FAT2: variants seen among roughly 807,000 people sequenced by gnomAD.
FAT2 encodes the protein protocadherin Fat 2.
In FAT2, 150 loss-of-function variants were observed where a neutral mutation model predicts 295.3. That is an observed-to-expected ratio of 0.51 (90% CI 0.44 to 0.58). The LOEUF is 0.58. FAT2 is among the 20% of genes least tolerant of loss of function. FAT2 has a pLI of 0.00. For missense variants in FAT2, 4,868 were observed against 5,442.7 expected, an observed-to-expected ratio of 0.89 and a Z score of 3.32; for synonymous variants, 2,026 against 2,150.3, an observed-to-expected ratio of 0.94 and a Z score of 1.60.
intron 3 of FAT2, among the ~76,000 whole-genome samples, chr5:151,557,291 T>G (rs1020953265): frequency 5.9e-5 from 9 of 152,180 alleles, no homozygotes; most frequent in Non-Finnish European, 1.3e-4. Flanking sequence ...TAGGTTCTAA[T>G]TAGGAATTAG....
chr5:151,550,961 T>C, intron 7 of FAT2, 90 bp from the exon 8 acceptor site: 1 of 1,147,058 alleles, frequency 8.7e-7, no homozygotes, highest in Non-Finnish European at 1.3e-6. Context: ...CACCCAGGCC[T>C]AGCACAGTGC....
chr5:151,515,953 T>TA (rs1371995970), intron 20 of FAT2, among the ~76,000 whole-genome samples: 1 of 152,218 alleles, frequency 6.6e-6, no homozygotes, highest in African/African-American at 2.4e-5. Context: ...CCTTCATAGA[T>TA]ATGCCCCATC....
At chr5:151,542,117 C>T (rs891768895) in intron 10 of FAT2, among the ~76,000 whole-genome samples, 168 bp downstream of exon 10, 1 of 152,214 alleles carries the variant, frequency 6.6e-6, no homozygotes, top group Non-Finnish European at 1.5e-5. Context: ...TGAGAACATG[C>T]ATGCCAAGTC....
intron 20 of FAT2, 71 bp downstream of exon 20, chr5:151,517,549 C>T (rs1286486843): frequency 3.2e-6 from 5 of 1,584,124 alleles, no homozygotes; most frequent in Non-Finnish European, 4.3e-6. Flanking sequence ...CCTGACATTC[C>T]TCATGCCTCA....
At chr5:151,591,459 C>A (rs573472572), upstream of FAT2, among the ~76,000 whole-genome samples, 1 of 152,248 alleles carries the variant, frequency 6.6e-6, no homozygotes, top group East Asian at 1.9e-4. Flanking sequence ...CCAGAACTCA[C>A]GGTGGGGAAT....
Position 151,544,189 on chromosome 5 carries a change from T to A in FAT2, c.6938A>T (p.Glu2313Val), listed in dbSNP as rs1364986401. 3 of 1,614,094 alleles carry A rather than the reference T, an allele frequency of 1.9e-6. No homozygotes were observed. The highest frequency in any genetic ancestry group is 2.2e-5 in the South Asian group (2 of 91,076). ...RNRDVSYQIV[E>V]DGSDVSKFFQ... Reference sequence around the variant, plus strand: ...GAACTTGGAAACATCTGAGCCATCCTCCACAATCTGATAAGAGACGTCACG... The same window carrying A: ...GAACTTGGAAACATCTGAGCCATCCACCACAATCTGATAAGAGACGTCACG... Residue 2313 changes from glutamate to valine, a missense_variant, in exon 10 of 24, where the codon GAG becomes GTG. Glu to Val is a moderately radical substitution (Grantham distance 121). Around this residue, in one of 5 missense-constraint regions of FAT2, gnomAD observed 3,297 missense variants for 3,669.4 expected, o/e 0.90. Coordinates refer to ENST00000261800, the MANE Select transcript of FAT2 (RefSeq NM_001447.3).
At chr5:151,581,826 G>A (rs948135070) in intron 1 of FAT2, among the ~76,000 whole-genome samples, 1 of 152,170 alleles carries the variant, frequency 6.6e-6, no homozygotes, top group Admixed American at 6.5e-5. Context: ...AGGATCATAT[G>A]ATCCCTCCCC....
chr5:151,529,091 A>G, intron 15 of FAT2, 87 bp downstream of exon 15: 1 of 1,129,790 alleles, frequency 8.9e-7, no homozygotes, highest in Non-Finnish European at 1.3e-6. Flanking sequence ...AAACTAATCC[A>G]TGCTCATAGA....
At chr5:151,518,616 C>T (rs1390707350) in intron 19 of FAT2, among the ~76,000 whole-genome samples, 1 of 152,068 alleles carries the variant, frequency 6.6e-6, no homozygotes, top group Non-Finnish European at 1.5e-5. Context: ...AGGTCAAGAG[C>T]CACTCTATGA....
intron 3 of FAT2, among the ~76,000 whole-genome samples, chr5:151,561,559 T>A (rs926881928): frequency 6.6e-6 from 1 of 152,130 alleles, no homozygotes; most frequent in African/African-American, 2.4e-5. Flanking sequence ...CCAGGCTAAT[T>A]TTTGTATGTT....
Position 151,541,001 on chromosome 5 carries a change from A to G in FAT2, c.8843-238T>C, listed in dbSNP as rs371378182. Among the ~76,000 whole-genome samples, 96 of 152,336 alleles carry G rather than the reference A, an allele frequency of 6.3e-4. 1 individual carries two copies. The South Asian group carries it at 0.019, about 31-fold the overall frequency. On this transcript the variant is annotated intron_variant, in intron 10 of 23. Transcript: ENST00000261800. ...TCAATGCAAGAAGCATCACTTCAAAATATGTGGCTGAAGGCAGGGTTTTTT... is the reference window on the plus strand; with the variant it reads ...TCAATGCAAGAAGCATCACTTCAAAGTATGTGGCTGAAGGCAGGGTTTTTT...
In FAT2 at chr5:151,531,605, G is replaced by T. The variant is rs2127591043; in HGVS notation, c.9793C>A (p.Arg3265Ser). 6.2e-7 allele frequency: 1 copy of T among 1,612,754 alleles called. No homozygotes were observed. Among genetic ancestry groups the T allele is most frequent in the African/African-American group, 1.3e-5 (1 of 75,020 alleles). ...CTCTCACCTGTGCGAGCATCCAGGC[G>T]GAACCTGCCTTGCTCGTTCCCGCTG... is the stretch of plus-strand genomic sequence containing the variant. ...VVSGNEQGRFRLDARTGILYV... is the reference protein window; with the variant it reads ...VVSGNEQGRFSLDARTGILYV... Residue 3265 changes from arginine (R) to serine (S), a missense_variant, in exon 14 of 24, where the codon CGC (arginine) becomes AGC (serine). By Grantham distance (110) the Arg-to-Ser change is moderately radical. Around this residue, in one of 5 missense-constraint regions of FAT2, gnomAD observed 1,046 missense variants for 1,210.1 expected, o/e 0.86. Transcript: ENST00000261800. This position sits in a 1 kb window ranked among gnomAD's most constrained non-coding sequence, Gnocchi z 5.7.
At chr5:151,564,330 CA>C (rs2127643136) in intron 2 of FAT2, among the ~76,000 whole-genome samples, 1 of 152,306 alleles carries the variant, frequency 6.6e-6, no homozygotes, top group African/African-American at 2.4e-5. Context: ...AACTGAGGCT[CA>C]GAGAGGGAGC....
chr5:151,521,614 T>G lies in FAT2; in HGVS notation c.10979A>C (p.Asp3660Ala), dbSNP rs767950612. The change falls in exon 19 of 24, where the codon GAC becomes GCC. Residue 3660 changes from aspartate (D) to alanine (A), a missense_variant. Around this residue, in one of 5 missense-constraint regions of FAT2, gnomAD observed 1,046 missense variants for 1,210.1 expected, o/e 0.86. Coordinates refer to ENST00000261800, the MANE Select transcript of FAT2 (RefSeq NM_001447.3). ...NLQRFLSHKL[D>A]IKRANIHLAS... ...CAAGTGAATGTTAGCCCGTTTGATG[T>G]CCAGCTTATGGCTGAGGAACCTCTG... 23 of 1,614,026 alleles carry G rather than the reference T, an allele frequency of 1.4e-5. No homozygotes were observed. The highest frequency in any genetic ancestry group is 1.9e-5 in the Non-Finnish European group (22 of 1,180,010).
intron 1 of FAT2, among the ~76,000 whole-genome samples, chr5:151,575,695 G>A (rs999334102): frequency 2.6e-5 from 4 of 152,198 alleles, no homozygotes; most frequent in African/African-American, 9.7e-5. Context: ...AGTAGGTGAT[G>A]GATGCAAGCA....
chr5:151,548,060 A>G (rs568925539), intron 9 of FAT2, among the ~76,000 whole-genome samples: 12 of 152,350 alleles, frequency 7.9e-5, no homozygotes, highest in African/African-American at 2.9e-4. Context: ...CATAAATCAC[A>G]AAAAGCAAGC....
chr5:151,555,370 T>TC (rs1184303101), intron 4 of FAT2, among the ~76,000 whole-genome samples: 20 of 130,604 alleles, frequency 1.5e-4, no homozygotes, highest in African/African-American at 5.1e-4. Context: ...TATATTTCTT[T>TC]TTTTTTTTTT....
Position 151,567,544 on chromosome 5 carries a change from T to C in FAT2, c.1388A>G (p.Tyr463Cys). Residue 463 changes from tyrosine (Y) to cysteine (C), a missense_variant, in exon 2 of 24, where the codon TAT becomes TGT. Physicochemically the swap from Tyr to Cys is radical, Grantham distance 194. Around this residue, in one of 5 missense-constraint regions of FAT2, gnomAD observed 3,297 missense variants for 3,669.4 expected, o/e 0.90. Coordinates refer to ENST00000261800, the MANE Select transcript of FAT2 (RefSeq NM_001447.3). ...GATGTTCTCATCCAAGGTACCATCA[T>C]AGGAAGACCTGTTGAAGAGGGGGGC... is the stretch of plus-strand genomic sequence containing the variant. ...NHAPLFNRSS[Y>C]DGTLDENIPP... is the part of the protein sequence containing the mutation. 3 of 1,614,164 alleles carry C rather than the reference T, an allele frequency of 1.9e-6. No homozygotes were observed. Among genetic ancestry groups the C allele is most frequent in the East Asian group, 4.5e-5 (2 of 44,888 alleles).
chr5:151,574,044 A>T (rs1038701617), intron 1 of FAT2, among the ~76,000 whole-genome samples: 1 of 152,136 alleles, frequency 6.6e-6, no homozygotes, highest in African/African-American at 2.4e-5. Flanking sequence ...TGGCCTGTGC[A>T]TGCCTATGGT....
Sources: gnomAD v4.1 joint callset for allele counts (sites outside exome capture counted in the v4.1 genomes callset) on GRCh38, gnomAD v4.1.1 for gene constraint, gnomAD v4.1.1 regional missense constraint, Gnocchi (gnomAD v3.1) non-coding constraint, MANE v1.5 for transcripts, NCBI Gene and HGNC (gene_info 2026-07-23, HGNC 2026-07-21) for gene names.